PAPPA: variants seen among roughly 807,000 people sequenced by gnomAD.
The protein encoded by PAPPA is pappalysin 1, also known as pappalysin-1.
A neutral mutation model predicts 164.0 loss-of-function variants in PAPPA; 60 were observed. The ratio of observed to expected loss-of-function variants is 0.37; its 90% CI spans 0.30 to 0.45. PAPPA has a LOEUF of 0.45. PAPPA is among the 20% of genes least tolerant of loss of function. The probability of loss-of-function intolerance (pLI) is 1.00; values close to 1 mark genes in which losing one functional copy is unlikely to be tolerated. For missense variants in PAPPA, 1,782 were observed against 2,087.3 expected, an observed-to-expected ratio of 0.85 and a Z score of 2.85; for synonymous variants, 875 against 814.1, an observed-to-expected ratio of 1.07 and a Z score of -1.27.
At chr9:116,246,994 A>G (rs1186193690) in intron 7 of PAPPA, among the ~76,000 whole-genome samples, 1 of 152,112 alleles carries the variant, frequency 6.6e-6, no homozygotes, top group Non-Finnish European at 1.5e-5. Context: ...ACTGCACTCC[A>G]GCTTGGGCAA....
chr9:116,377,523 T>C lies in PAPPA; in HGVS notation c.4606-53T>C. ...GTTAAATGTAATGCCAACACGGAGG[T>C]GGGTCCCTCCCAATCCCAAGCCCAT... On this transcript the variant is annotated intron_variant, in intron 19 of 21. Transcript: ENST00000328252. The C allele has an allele frequency of 2.4e-6, 3 of 1,262,702 alleles. No homozygotes were observed. In the South Asian group the frequency reaches 3.6e-5, roughly 15 times the overall value. 78.2% of individuals were successfully genotyped at this position (1,262,702 alleles called of 1,614,324 possible).
intron 10 of PAPPA, among the ~76,000 whole-genome samples, chr9:116,328,261 A>G (rs1845945011): frequency 6.6e-6 from 1 of 152,206 alleles, no homozygotes; most frequent in African/African-American, 2.4e-5. Flanking sequence ...CAAATTCCAT[A>G]GATAGTTTAT....
chr9:116,380,395 G>T lies in PAPPA; in HGVS notation c.4678-2000G>T, dbSNP rs376050303. ...TAGAGTAACTAGTGATGGGACTGGA[G>T]AATTTTTTCAGGGCCAAATAAAGAA... On this transcript the variant is annotated intron_variant, in intron 20 of 21. Transcript: ENST00000328252. Among the ~76,000 whole-genome samples the T allele has an allele frequency of 4.6e-5, 7 of 152,116 alleles. No individual in the cohort carries two copies. The East Asian group carries it at 1.3e-3, about 29-fold the overall frequency.
At chr9:116,157,240 C>T (rs1843614497) in intron 1 of PAPPA, among the ~76,000 whole-genome samples, 1 of 152,176 alleles carries the variant, frequency 6.6e-6, no homozygotes, top group African/African-American at 2.4e-5. Context: ...CCAGATCCGC[C>T]CGGGATGCTA....
intron 8 of PAPPA, among the ~76,000 whole-genome samples, chr9:116,269,579 C>A (rs753523801): frequency 6.6e-5 from 10 of 152,144 alleles, no homozygotes; most frequent in Non-Finnish European, 1.0e-4. Flanking sequence ...GATGGCCACC[C>A]GCTCCAGCCC....
chr9:116,184,434 T>C (rs1381274737), intron 1 of PAPPA, among the ~76,000 whole-genome samples: 1 of 152,070 alleles, frequency 6.6e-6, no homozygotes, highest in African/African-American at 2.4e-5. Flanking sequence ...GCCTTCAGGG[T>C]ACCCTCTCTT....
intron 9 of PAPPA, among the ~76,000 whole-genome samples, chr9:116,275,524 A>G (rs2118833199): frequency 6.6e-6 from 1 of 152,254 alleles, no homozygotes; most frequent in South Asian, 2.1e-4. Context: ...CTCCAGTCTG[A>G]GTAGAGAACC....
At chr9:116,191,014 AAGGGAGGAAGGGAAGG>A (rs961090818) in intron 2 of PAPPA, among the ~76,000 whole-genome samples, 54 of 149,520 alleles carry the variant, frequency 3.6e-4, no homozygotes, top group East Asian at 8.2e-4. Context: ...TTAAACAAAA[AAGGGAGGAAGGGAAGG>A]AGGGAGGAAG....
At chr9:116,210,772 G>C (rs867023071) in intron 3 of PAPPA, among the ~76,000 whole-genome samples, 1 of 152,098 alleles carries the variant, frequency 6.6e-6, no homozygotes, top group African/African-American at 2.4e-5. Flanking sequence ...TTAAAATACA[G>C]ATTGTGCTTC....
At chr9:116,246,156 A>G (rs867196826) in intron 7 of PAPPA, among the ~76,000 whole-genome samples, 15 of 152,196 alleles carry the variant, frequency 9.9e-5, no homozygotes, top group African/African-American at 3.6e-4. Context: ...TAATGATAGG[A>G]AAAATGTAAT....
At chr9:116,355,351 C>G in intron 17 of PAPPA, among the ~76,000 whole-genome samples, 1 of 152,236 alleles carries the variant, frequency 6.6e-6, no homozygotes, top group Non-Finnish European at 1.5e-5. Context: ...GGTTACTCAA[C>G]CCCCCATGGT....
In PAPPA at chr9:116,175,910, C is replaced by T. The variant is rs117543345; in HGVS notation, c.416-11244C>T. 6.2e-3 allele frequency among the ~76,000 whole-genome samples: 946 copies of T among 152,254 alleles called. 36 individuals carry two copies. In the East Asian group the frequency reaches 0.11, roughly 17 times the overall value. ...AAACAGTATTAGGACCTCAGAAAGA[C>T]TCAGGAGAAAAGAGAGGCTGTGCCC... is the stretch of plus-strand genomic sequence containing the variant. On this transcript the variant is annotated intron_variant, in intron 1 of 21. Transcript: ENST00000328252.
chr9:116,247,783 T>G (rs1844814085), intron 7 of PAPPA, among the ~76,000 whole-genome samples: 1 of 152,092 alleles, frequency 6.6e-6, no homozygotes, highest in Admixed American at 6.6e-5. Context: ...GTTGTGTCTG[T>G]TAAAACACAA....
chr9:116,258,008 A>C (rs1393830548), intron 7 of PAPPA, among the ~76,000 whole-genome samples: 1 of 152,070 alleles, frequency 6.6e-6, no homozygotes, highest in Non-Finnish European at 1.5e-5. Context: ...AGAGTAAGGC[A>C]TATATTGCTA....
intron 9 of PAPPA, among the ~76,000 whole-genome samples, chr9:116,301,195 A>G (rs1357622407): frequency 2.0e-5 from 3 of 152,142 alleles, no homozygotes; most frequent in Non-Finnish European, 4.4e-5. Context: ...AGATTTTCCC[A>G]GGATATGTTC....
intron 7 of PAPPA, among the ~76,000 whole-genome samples, chr9:116,239,062 A>G (rs1193943398): frequency 1.3e-5 from 2 of 152,230 alleles, no homozygotes; most frequent in Non-Finnish European, 2.9e-5. Flanking sequence ...AACCCATTAC[A>G]TGATTCCCTT....
At chr9:116,379,443 C>G (rs1276325283) in intron 20 of PAPPA, among the ~76,000 whole-genome samples, 1 of 152,114 alleles carries the variant, frequency 6.6e-6, no homozygotes, top group Non-Finnish European at 1.5e-5. Flanking sequence ...CTCTTATATG[C>G]CAGATACTGT....
At position 116,187,447 on chromosome 9, in the gene PAPPA, G is replaced by A. The variant is rs540646509; in HGVS notation, c.709G>A (p.Val237Met). The change falls in exon 2 of 22, where the codon GTG becomes ATG. Residue 237 changes from valine (V) to methionine (M), a missense_variant. By Grantham distance (21) the Val-to-Met change is conservative (BLOSUM62 1). Transcript: ENST00000328252. This position sits in a 1 kb window ranked among gnomAD's most constrained non-coding sequence, Gnocchi z 4.2. Reference protein sequence around the residue: ...IFSPLTQKCKVLMLGGSALNH... With the variant: ...IFSPLTQKCKMLMLGGSALNH... ...CAGCCCACTGACCCAGAAGTGCAAA[G>A]TGCTCATGTTAGGGGGCAGTGCCCT... 1 of 1,614,204 alleles carries A rather than the reference G, an allele frequency of 6.2e-7. No homozygotes were observed. The highest frequency in any genetic ancestry group is 1.1e-5 in the South Asian group (1 of 91,086).
At chr9:116,374,728 C>T (rs1266499468) in intron 19 of PAPPA, among the ~76,000 whole-genome samples, 1 of 152,210 alleles carries the variant, frequency 6.6e-6, no homozygotes, top group Admixed American at 6.5e-5. Flanking sequence ...GATTCTAACT[C>T]TGCTGTTTTC....
Sources: gnomAD v4.1 joint callset for allele counts (sites outside exome capture counted in the v4.1 genomes callset) on GRCh38, gnomAD v4.1.1 for gene constraint, Gnocchi (gnomAD v3.1) non-coding constraint, MANE v1.5 for transcripts, NCBI Gene and HGNC (gene_info 2026-07-23, HGNC 2026-07-21) for gene names.